MACROD2: variants seen among roughly 807,000 people sequenced by gnomAD.
The protein encoded by MACROD2 is mono-ADP ribosylhydrolase 2.
MACROD2 carries 36 observed loss-of-function variants against 70.4 expected under a neutral mutation model. The observed-to-expected ratio is 0.51, with a 90% CI of 0.39 to 0.68. The LOEUF (loss-of-function observed/expected upper bound fraction) is 0.68, where lower values mean the gene tolerates loss of function less well. Ranked by LOEUF, MACROD2 falls within the 30% of genes least tolerant of loss-of-function variation. The pLI, the probability that MACROD2 is intolerant of heterozygous loss-of-function variation, is 0.00. For synonymous variants in MACROD2, 172 were observed against 178.8 expected, an observed-to-expected ratio of 0.96 and a Z score of 0.30; for missense variants, 496 against 538.4, an observed-to-expected ratio of 0.92 and a Z score of 0.78.
chr20:14,888,312 G>A, intron 5 of MACROD2: 1 of 152,358 alleles, frequency 6.6e-6, no homozygotes, highest in Non-Finnish European at 1.5e-5. Flanking sequence ...AAGCTGCTGA[G>A]AGACAGGAAA....
rs575906673 is a variant in MACROD2, at chr20:14,104,260, C to G, written c.271+18532C>G. On this transcript the variant is annotated intron_variant, in intron 3 of 17. Transcript: ENST00000684519. ...TGGTATTACCTTCTGTAATAGAAAG[C>G]AGGATCTTACCTATAAAATTTTATT... Among the ~76,000 whole-genome samples, 5 of 152,248 alleles carry G rather than the reference C, an allele frequency of 3.3e-5. No homozygotes were observed. In the East Asian group the frequency reaches 9.7e-4, roughly 29 times the overall value.
At chr20:15,320,629 T>C (rs1327665924) in intron 6 of MACROD2, among the ~76,000 whole-genome samples, 3 of 152,188 alleles carry the variant, frequency 2.0e-5, no homozygotes, top group Non-Finnish European at 4.4e-5. Context: ...GGTGCATTAA[T>C]GAAGGGTAAG....
At chr20:14,652,371 C>T (rs949265375) in intron 4 of MACROD2, among the ~76,000 whole-genome samples, 10 of 152,140 alleles carry the variant, frequency 6.6e-5, no homozygotes, top group African/African-American at 2.2e-4. Context: ...CGAACTGCAG[C>T]TTTTGTAGAT....
At chr20:14,062,167 A>C (rs2053698501) in intron 2 of MACROD2, among the ~76,000 whole-genome samples, 1 of 152,164 alleles carries the variant, frequency 6.6e-6, no homozygotes, top group African/African-American at 2.4e-5. Flanking sequence ...AAAATATTTT[A>C]AGTGATTGAC....
intron 4 of MACROD2, among the ~76,000 whole-genome samples, chr20:14,653,216 ATTTTTTTTT>A (rs542367949): frequency 8.2e-6 from 1 of 121,770 alleles, no homozygotes; most frequent in African/African-American, 3.2e-5. Context: ...ATGTACAGCA[ATTTTTTTTT>A]TTTTTTTTTT....
chr20:14,453,433 TC>T (rs1568618510), intron 3 of MACROD2, among the ~76,000 whole-genome samples: 1 of 152,132 alleles, frequency 6.6e-6, no homozygotes, highest in Non-Finnish European at 1.5e-5. Flanking sequence ...ATGTGGTTGT[TC>T]CAGTTCATCT....
chr20:15,965,588 TCAAA>T (rs1162039122), intron 12 of MACROD2, among the ~76,000 whole-genome samples: 1 of 152,110 alleles, frequency 6.6e-6, no homozygotes, highest in Non-Finnish European at 1.5e-5. Flanking sequence ...AGACTAAATA[TCAAA>T]TAATATAATT....
At chr20:14,228,472 G>A (rs1810689) in intron 3 of MACROD2, among the ~76,000 whole-genome samples, 2,359 of 151,794 alleles carry the variant, frequency 0.016, 28 homozygotes, top group African/African-American at 0.03. Context: ...CGAGTAGCTG[G>A]GACTACGGGC....
intron 13 of MACROD2, among the ~76,000 whole-genome samples, chr20:15,969,483 A>G (rs770120003): frequency 2.0e-5 from 3 of 152,208 alleles, no homozygotes; most frequent in Non-Finnish European, 4.4e-5. Flanking sequence ...GCCGAGAACT[A>G]GAAGTTCAAA....
chr20:14,485,622 A>AC (rs2084717087), intron 3 of MACROD2, among the ~76,000 whole-genome samples: 1 of 130,538 alleles, frequency 7.7e-6, no homozygotes, highest in Non-Finnish European at 1.6e-5. Context: ...AATGACGTGA[A>AC]CCCAGGAGGC....
chr20:14,215,384 C>T (rs1264621303), intron 3 of MACROD2, among the ~76,000 whole-genome samples: 1 of 117,006 alleles, frequency 8.5e-6, no homozygotes, highest in Non-Finnish European at 1.9e-5. Context: ...ACACACACCA[C>T]AGTTTCTTTA....
intron 6 of MACROD2, among the ~76,000 whole-genome samples, chr20:15,414,309 A>G (rs1429946693): frequency 2.6e-5 from 4 of 152,202 alleles, no homozygotes. Context: ...GGAGCATGTT[A>G]ATCATACAGA....
chr20:14,867,668 T>G (rs1257207038), intron 5 of MACROD2, among the ~76,000 whole-genome samples: 1 of 152,112 alleles, frequency 6.6e-6, no homozygotes, highest in Non-Finnish European at 1.5e-5. Context: ...TTCTAGGATA[T>G]ATTGGTGTAT....
At chr20:14,203,929 G>T (rs1330719583) in intron 3 of MACROD2, among the ~76,000 whole-genome samples, 2 of 152,164 alleles carry the variant, frequency 1.3e-5, no homozygotes, top group African/African-American at 4.8e-5. Context: ...CCCAGTGGTG[G>T]CAGGGTGGGT....
intron 5 of MACROD2, among the ~76,000 whole-genome samples, chr20:15,085,580 G>A (rs1028466704): frequency 6.6e-6 from 1 of 151,854 alleles, no homozygotes; most frequent in African/African-American, 2.4e-5. Context: ...TCATGAGGGG[G>A]ACATGGATGG....
chr20:15,206,726 T>TTTTTTTTTTTTTTG (rs2076708740), intron 5 of MACROD2, among the ~76,000 whole-genome samples: 4 of 61,658 alleles, frequency 6.5e-5, no homozygotes, highest in South Asian at 5.7e-4. Flanking sequence ...TCTATGTTTT[T>TTTTTTTTTTTTTTG]TTTTTTTTTT....
chr20:14,433,924 T>C (rs1333529115), intron 3 of MACROD2, among the ~76,000 whole-genome samples: 4 of 152,128 alleles, frequency 2.6e-5, no homozygotes, highest in African/African-American at 7.2e-5. Flanking sequence ...ACATAGTTAG[T>C]GTTGCAATAA....
chr20:15,793,466 G>A (rs929999998), intron 8 of MACROD2, among the ~76,000 whole-genome samples: 2 of 151,940 alleles, frequency 1.3e-5, no homozygotes, highest in African/African-American at 4.8e-5. Flanking sequence ...TATTTCTTTT[G>A]TTTTTCCTTT....
chr20:15,088,397 T>TTATA (rs71190173), intron 5 of MACROD2, among the ~76,000 whole-genome samples: 50 of 111,046 alleles, frequency 4.5e-4, no homozygotes, highest in East Asian at 2.3e-3. Context: ...ATACTATATT[T>TTATA]TATATATATA....
Sources: allele counts gnomAD v4.1 joint callset (sites outside exome capture counted in the v4.1 genomes callset), GRCh38; gene constraint gnomAD v4.1.1; transcripts MANE v1.5; gene names NCBI Gene and HGNC (gene_info 2026-07-23, HGNC 2026-07-21).